PDXDC1: variants seen among roughly 807,000 people sequenced by gnomAD.
The protein encoded by PDXDC1 is pyridoxal dependent decarboxylase domain containing 1, also known as pyridoxal-dependent decarboxylase domain-containing protein 1.
In PDXDC1, 42 loss-of-function variants were observed where a neutral mutation model predicts 100.1. That is an observed-to-expected ratio of 0.42 (90% confidence interval 0.33 to 0.54). The LOEUF (loss-of-function observed/expected upper bound fraction) is 0.54. PDXDC1 is among the 20% of genes least tolerant of loss of function. The pLI is 0.10. For missense variants in PDXDC1, 636 were observed against 979.2 expected, an observed-to-expected ratio of 0.65 and a Z score of 4.68; for synonymous variants, 260 against 371.7, an observed-to-expected ratio of 0.70 and a Z score of 3.46.
At chr16:14,977,924 A>G (rs1475937601) in intron 1 of PDXDC1, among the ~76,000 whole-genome samples, 2 of 152,304 alleles carry the variant, frequency 1.3e-5, no homozygotes, top group African/African-American at 4.8e-5. Flanking sequence ...ATTTAAAATA[A>G]TATCTCTCAC....
intron 16 of PDXDC1, chr16:15,079,913 A>G (rs1228745492): frequency 2.2e-6 from 3 of 1,372,218 alleles, no homozygotes; most frequent in Admixed American, 5.2e-5. Flanking sequence ...ATTCTTTTCT[A>G]TCACTGACTA....
rs548755834 is a variant in PDXDC1, at chr16:14,977,306, G to A, written c.21+2086G>A. ...TTTTTTTTTTTTTTTTTGAGAGGGA[G>A]TCTCGGTCTCTTGCCCAGGCTGGAG... is the stretch of plus-strand genomic sequence containing the variant. On this transcript the variant is annotated intron_variant, in intron 1 of 22. Coordinates refer to ENST00000396410, the MANE Select transcript of PDXDC1 (RefSeq NM_015027.4). 1.1e-4 allele frequency among the ~76,000 whole-genome samples: 13 copies of A among 123,466 alleles called. No homozygotes were observed. The South Asian group carries it at 3.3e-3, about 32-fold the overall frequency. 81.0% of individuals were successfully genotyped at this position (123,466 alleles called of 152,430 possible). A position where few individuals can be genotyped will look rare whatever the true frequency, so the allele number is the denominator to read the frequency against.
intron 16 of PDXDC1, among the ~76,000 whole-genome samples, chr16:15,123,661 C>G (rs1443525449): frequency 8.1e-6 from 1 of 123,126 alleles, no homozygotes; most frequent in East Asian, 2.2e-4. Flanking sequence ...CAGCAAATCT[C>G]AATATATTTG....
intron 16 of PDXDC1, chr16:15,130,988 G>A (rs1244527998): frequency 1.2e-6 from 1 of 846,372 alleles, no homozygotes; most frequent in Non-Finnish European, 1.9e-6. Flanking sequence ...GAAACAGAAA[G>A]CAAATTTCAC....
intron 16 of PDXDC1, chr16:15,104,676 C>T: frequency 1.9e-6 from 3 of 1,597,644 alleles, no homozygotes; most frequent in Non-Finnish European, 2.5e-6. Context: ...GTGGCCCATC[C>T]TGTTTTTTAA....
chr16:15,060,974 AACTC>A (rs1189838012), intron 16 of PDXDC1: 3 of 152,254 alleles, frequency 2.0e-5, no homozygotes, highest in Admixed American at 6.5e-5. Flanking sequence ...CACAAGCCCG[AACTC>A]ACTTTCAGTC....
At chr16:15,044,245 G>A in intron 16 of PDXDC1, 1 of 875,334 alleles carries the variant, frequency 1.1e-6, no homozygotes, top group Non-Finnish European at 1.9e-6. Context: ...CCCTTCTTGG[G>A]TTTTGTACCA....
chr16:15,038,566 A>ACTC (rs1393891389), downstream of PDXDC1: 3 of 1,452,328 alleles, frequency 2.1e-6, no homozygotes, highest in African/African-American at 4.2e-5. Flanking sequence ...CAGCCTGTAA[A>ACTC]CTCTCACCTC....
At chr16:14,975,979 C>A (rs780012201) in intron 1 of PDXDC1, among the ~76,000 whole-genome samples, 2 of 152,304 alleles carry the variant, frequency 1.3e-5, no homozygotes, top group African/African-American at 4.8e-5. Context: ...GAGGGATCCC[C>A]GAGTCAACTC....
chr16:15,029,766 A>G, intron 15 of PDXDC1, 185 bp from the exon 16 acceptor site: 2 of 580,682 alleles, frequency 3.4e-6, no homozygotes, highest in Non-Finnish European at 6.1e-6. Context: ...ATGAACTTGT[A>G]TTAATAAGAA....
rs1172679942 is a variant in PDXDC1, at chr16:15,034,460, G to T, written c.1909G>T (p.Val637Leu). 13 of 1,614,004 alleles carry T rather than the reference G, an allele frequency of 8.1e-6. No individual in the cohort carries two copies. The highest frequency in any genetic ancestry group is 5.0e-5 in the Admixed American group (3 of 60,010). Residue 637 changes from valine to leucine, a missense_variant, in exon 21 of 23, where the codon GTG becomes TTG. Around this residue, in one of 4 missense-constraint regions of PDXDC1, gnomAD observed 452 missense variants for 402.9 expected, o/e 1.12. Transcript: ENST00000396410. ...ASEERLLEEG[V>L]LRQIPVVGSV... The stretch of plus-strand genomic sequence containing the variant: ...GAACTCTGGTCCTGTCTTGCAGGGG[G>T]TGTTGCGGCAGATCCCTGTAGTGGG...
chr16:14,992,070 G>A (rs1166094661), intron 1 of PDXDC1, among the ~76,000 whole-genome samples: 1 of 152,272 alleles, frequency 6.6e-6, no homozygotes, highest in East Asian at 1.9e-4. Context: ...CATTTATACT[G>A]GAAAGCACAT....
chr16:15,108,318 T>A, intron 16 of PDXDC1: 1 of 906,314 alleles, frequency 1.1e-6, no homozygotes. Flanking sequence ...CCCAGAACGC[T>A]AGGAAACAGG....
At chr16:15,002,317 G>A (rs1392699958) in intron 4 of PDXDC1, among the ~76,000 whole-genome samples, 1 of 152,280 alleles carries the variant, frequency 6.6e-6, no homozygotes, top group Non-Finnish European at 1.5e-5. Flanking sequence ...TCCCTACCAT[G>A]TTTTCTTCTC....
intron 16 of PDXDC1, chr16:15,127,196 G>A (rs963247122): frequency 2.0e-5 from 8 of 409,782 alleles, no homozygotes; most frequent in Middle Eastern, 7.8e-4. Flanking sequence ...CCGCGTGCTT[G>A]CTTCTTCTGA....
At chr16:15,149,657 T>G in the PDXDC1 span, among the ~76,000 whole-genome samples, 1 of 152,258 alleles carries the variant, frequency 6.6e-6, no homozygotes, top group African/African-American at 2.4e-5. Context: ...AGGCCCTGGG[T>G]GCTCCTATAT....
chr16:14,985,327 G>A (rs1334440541), intron 1 of PDXDC1, among the ~76,000 whole-genome samples: 4 of 123,882 alleles, frequency 3.2e-5, no homozygotes, highest in African/African-American at 1.3e-4. Flanking sequence ...TTGGTCTGTC[G>A]CCCAGGCTGG....
chr16:15,002,080 TAGAG>T (rs1478165221), intron 4 of PDXDC1, among the ~76,000 whole-genome samples: 6 of 152,412 alleles, frequency 3.9e-5, no homozygotes, highest in Non-Finnish European at 7.3e-5. Flanking sequence ...TATCATGCCT[TAGAG>T]AGGCGCTGGC....
chr16:14,991,277 G>GTT (rs1970745535), intron 1 of PDXDC1, among the ~76,000 whole-genome samples: 1 of 13,882 alleles, frequency 7.2e-5, no homozygotes, highest in African/African-American at 1.0e-4. Context: ...ATGTGTGTGT[G>GTT]TGTGTGTGTG....
Sources: gnomAD v4.1 joint callset for allele counts (sites outside exome capture counted in the v4.1 genomes callset) on GRCh38, gnomAD v4.1.1 for gene constraint, gnomAD v4.1.1 regional missense constraint, MANE v1.5 for transcripts, NCBI Gene and HGNC (gene_info 2026-07-23, HGNC 2026-07-21) for gene names.